The following RAB38 variants were observed in gnomAD, a reference collection of about 807,000 sequenced individuals.
RAB38 encodes ras-related protein Rab-38.
RAB38 carries 15 observed loss-of-function variants against 18.4 expected under a neutral mutation model. That is an observed-to-expected ratio of 0.82 (90% CI 0.55 to 1.26). RAB38 has a LOEUF of 1.26. Among genes scored for constraint, RAB38 ranks in the 50% most tolerant of loss-of-function variants. RAB38 has a pLI of 0.00. For missense variants in RAB38, 294 were observed against 267.4 expected, an observed-to-expected ratio of 1.10 and a Z score of -0.69; for synonymous variants, 101 against 104.4, an observed-to-expected ratio of 0.97 and a Z score of 0.20.
At chr11:87,919,060 G>A in the RAB38 span, among the ~76,000 whole-genome samples, 6 of 152,006 alleles carry the variant, frequency 3.9e-5, no homozygotes, top group Non-Finnish European at 7.4e-5. Flanking sequence ...AGGGTCTAAT[G>A]TCATTCTTCT....
chr11:87,906,790 G>C, the RAB38 span, among the ~76,000 whole-genome samples: 3 of 151,754 alleles, frequency 2.0e-5, no homozygotes, highest in East Asian at 3.9e-4. Flanking sequence ...ATGGAAATGG[G>C]AGTATTTTAT....
chr11:88,013,150 TA>T, the RAB38 span, among the ~76,000 whole-genome samples: 1 of 152,178 alleles, frequency 6.6e-6, no homozygotes, highest in African/African-American at 2.4e-5. Flanking sequence ...AAACTTTCAC[TA>T]AATACCAAAA....
At chr11:88,175,071 T>C in intron 1 of RAB38, 112 bp downstream of exon 1, 3 of 1,269,372 alleles carry the variant, frequency 2.4e-6, no homozygotes, top group Non-Finnish European at 2.1e-6. Context: ...CAGGAAAAAC[T>C]GCCTCGCGAC....
the RAB38 span, among the ~76,000 whole-genome samples, chr11:87,957,158 C>T: frequency 6.6e-6 from 1 of 152,026 alleles, no homozygotes; most frequent in Non-Finnish European, 1.5e-5. Flanking sequence ...AATTGATTCC[C>T]CCTTTGTCCC....
At chr11:87,877,917 A>G in the RAB38 span, among the ~76,000 whole-genome samples, 2,517 of 151,470 alleles carry the variant, frequency 0.017, 66 homozygotes, top group African/African-American at 0.058. Context: ...TGACTAATTT[A>G]TATTATAATA....
chr11:87,814,740 CTT>C, the RAB38 span, among the ~76,000 whole-genome samples: 1 of 146,644 alleles, frequency 6.8e-6, no homozygotes, highest in Admixed American at 6.8e-5. Context: ...TTTTCTTTTT[CTT>C]TTTTTTTTTG....
At chr11:87,806,842 T>C in the RAB38 span, among the ~76,000 whole-genome samples, 9 of 152,300 alleles carry the variant, frequency 5.9e-5, no homozygotes, top group East Asian at 1.7e-3. Context: ...TGAAATGTTT[T>C]TAGTCCTGAA....
At chr11:88,162,677 G>T (rs1175652673) in intron 1 of RAB38, among the ~76,000 whole-genome samples, 1 of 151,846 alleles carries the variant, frequency 6.6e-6, no homozygotes, top group African/African-American at 2.4e-5. Context: ...ACATACAGCT[G>T]GTTACTAGTT....
At chr11:87,912,470 A>G in the RAB38 span, among the ~76,000 whole-genome samples, 34 of 151,954 alleles carry the variant, frequency 2.2e-4, no homozygotes, top group African/African-American at 8.2e-4. Flanking sequence ...TAAGTGTCCA[A>G]TGTATTGCAT....
At chr11:87,956,990 G>GC in the RAB38 span, among the ~76,000 whole-genome samples, 4 of 151,310 alleles carry the variant, frequency 2.6e-5, no homozygotes, top group Non-Finnish European at 5.9e-5. Context: ...TTTTGGGGGG[G>GC]GGTCCTTGAG....
the RAB38 span, among the ~76,000 whole-genome samples, chr11:88,038,644 A>T: frequency 2.0e-5 from 3 of 152,064 alleles, no homozygotes; most frequent in South Asian, 2.1e-4. Context: ...TTTTCTGTAA[A>T]CTCATTTGGT....
the RAB38 span, among the ~76,000 whole-genome samples, chr11:87,839,844 T>A: frequency 6.6e-6 from 1 of 152,304 alleles, no homozygotes; most frequent in Middle Eastern, 3.4e-3. Context: ...TGGACCAAAC[T>A]CTGAGTATAA....
At chr11:87,948,865 C>G in the RAB38 span, among the ~76,000 whole-genome samples, 1 of 151,980 alleles carries the variant, frequency 6.6e-6, no homozygotes, top group African/African-American at 2.4e-5. Flanking sequence ...TTTGTTGTGT[C>G]TCTGCCCGGC....
chr11:87,847,297 A>G, the RAB38 span, among the ~76,000 whole-genome samples: 1 of 152,132 alleles, frequency 6.6e-6, no homozygotes, highest in Non-Finnish European at 1.5e-5. Flanking sequence ...AGTATCAGTA[A>G]TGAATGCTTA....
chr11:87,838,113 ATTTTTATTTTTT>A, the RAB38 span, among the ~76,000 whole-genome samples: 1 of 144,490 alleles, frequency 6.9e-6, no homozygotes, highest in African/African-American at 2.7e-5. Context: ...TTTTATTTTT[ATTTTTATTTTTT>A]TTTTTTTGAG....
the RAB38 span, among the ~76,000 whole-genome samples, chr11:87,838,350 A>G: frequency 2.0e-5 from 3 of 152,074 alleles, no homozygotes; most frequent in Non-Finnish European, 4.4e-5. Context: ...TCCTGACCTC[A>G]TGATCCGCCC....
chr11:87,894,747 ATG>A, the RAB38 span, among the ~76,000 whole-genome samples: 1 of 148,608 alleles, frequency 6.7e-6, no homozygotes, highest in Non-Finnish European at 1.5e-5. Flanking sequence ...TAAAAAATAT[ATG>A]TATACATTAT....
the RAB38 span, among the ~76,000 whole-genome samples, chr11:87,877,177 T>A: frequency 6.6e-6 from 1 of 151,510 alleles, no homozygotes; most frequent in Non-Finnish European, 1.5e-5. Flanking sequence ...AACCAGGACC[T>A]CTTTATACAC....
At chr11:88,171,125 G>C (rs1230274352) in intron 1 of RAB38, among the ~76,000 whole-genome samples, 1 of 152,136 alleles carries the variant, frequency 6.6e-6, no homozygotes, top group African/African-American at 2.4e-5. Context: ...ATGACAACAG[G>C]AATAATAGCT....
Sources: allele counts gnomAD v4.1 joint callset (sites outside exome capture counted in the v4.1 genomes callset), GRCh38; gene constraint gnomAD v4.1.1; transcripts MANE v1.5; gene names NCBI Gene and HGNC (gene_info 2026-07-23, HGNC 2026-07-21).